SCHIP1: variants seen among roughly 807,000 people sequenced by gnomAD.
SCHIP1 encodes the protein schwannomin-interacting protein 1.
In SCHIP1, 8 loss-of-function variants were observed where a neutral mutation model predicts 29.7. That is an observed-to-expected ratio of 0.27 (90% CI 0.16 to 0.49). The LOEUF (loss-of-function observed/expected upper bound fraction) is 0.49. Among genes scored for constraint, SCHIP1 ranks in the 20% least tolerant of loss-of-function variants. The pLI is 0.99. For synonymous variants in SCHIP1, 76 were observed against 94.9 expected (o/e 0.80, Z 1.16); for missense variants, 193 against 294.6 (o/e 0.66, Z 2.52).
At chr3:159,315,778 G>T in the SCHIP1 span, among the ~76,000 whole-genome samples, 1 of 152,044 alleles carries the variant, frequency 6.6e-6, no homozygotes, top group South Asian at 2.1e-4. Flanking sequence ...GTTTTGTTTT[G>T]TAGAGTAGAA....
At chr3:159,860,213 A>G (rs1208820204) in intron 1 of SCHIP1, among the ~76,000 whole-genome samples, 2 of 152,106 alleles carry the variant, frequency 1.3e-5, no homozygotes, top group East Asian at 1.9e-4. Context: ...CCTTTTTAGC[A>G]TTGGTGGCAA....
the SCHIP1 span, among the ~76,000 whole-genome samples, chr3:159,757,171 A>G: frequency 0.43 from 66,101 of 152,092 alleles, 15,350 homozygotes; most frequent in Middle Eastern, 0.55. Context: ...TGCTGCTGAT[A>G]AAGACATACC....
the SCHIP1 span, among the ~76,000 whole-genome samples, chr3:159,296,698 G>T: frequency 6.6e-6 from 1 of 151,964 alleles, no homozygotes; most frequent in East Asian, 1.9e-4. Flanking sequence ...GCTTGAACCT[G>T]GGAGGTGGAG....
the SCHIP1 span, among the ~76,000 whole-genome samples, chr3:159,675,596 G>C: frequency 6.6e-6 from 1 of 152,216 alleles, no homozygotes; most frequent in Non-Finnish European, 1.5e-5. Context: ...TGCACAAAGT[G>C]TTTAGAGAGA....
the SCHIP1 span, among the ~76,000 whole-genome samples, chr3:159,308,419 C>T: frequency 9.9e-4 from 150 of 152,138 alleles, no homozygotes; most frequent in African/African-American, 3.1e-3. Flanking sequence ...AACACACATA[C>T]GGAAAAACGC....
chr3:159,804,848 G>A, the SCHIP1 span, among the ~76,000 whole-genome samples: 7 of 152,130 alleles, frequency 4.6e-5, no homozygotes, highest in East Asian at 1.9e-4. Flanking sequence ...GTTTTTTGCC[G>A]TCAGTTTCAT....
At chr3:159,774,385 T>C in the SCHIP1 span, among the ~76,000 whole-genome samples, 1 of 152,192 alleles carries the variant, frequency 6.6e-6, no homozygotes, top group Non-Finnish European at 1.5e-5. Flanking sequence ...AAAAAAATAA[T>C]AAAATAAAAA....
the SCHIP1 span, among the ~76,000 whole-genome samples, chr3:159,382,958 GT>G: frequency 6.7e-6 from 1 of 149,752 alleles, no homozygotes; most frequent in Admixed American, 6.7e-5. Context: ...GGGGTTGTTT[GT>G]TTTTTTCTTG....
the SCHIP1 span, among the ~76,000 whole-genome samples, chr3:159,372,994 A>G: frequency 6.6e-6 from 1 of 152,018 alleles, no homozygotes; most frequent in African/African-American, 2.4e-5. Context: ...ATAGAGCACA[A>G]AAATAACTTC....
At chr3:159,334,194 A>T in the SCHIP1 span, among the ~76,000 whole-genome samples, 3 of 152,284 alleles carry the variant, frequency 2.0e-5, no homozygotes, top group East Asian at 5.8e-4. Context: ...CTCATTCCAA[A>T]TTGACCTGAC....
chr3:159,397,770 TTTTG>T, the SCHIP1 span, among the ~76,000 whole-genome samples: 69 of 152,288 alleles, frequency 4.5e-4, no homozygotes, highest in African/African-American at 1.7e-3. Context: ...ACTGCTGTCT[TTTTG>T]TTTGTCTGTG....
chr3:159,752,740 C>T, the SCHIP1 span, among the ~76,000 whole-genome samples: 2 of 152,140 alleles, frequency 1.3e-5, no homozygotes, highest in African/African-American at 4.8e-5. Flanking sequence ...TATCCACCCC[C>T]ATGATCCAAC....
chr3:159,642,299 A>G, the SCHIP1 span, among the ~76,000 whole-genome samples: 8 of 152,180 alleles, frequency 5.3e-5, no homozygotes, highest in South Asian at 1.7e-3. Context: ...TGATCTAAGT[A>G]TGTATGACCC....
At chr3:159,398,848 T>C in the SCHIP1 span, 1 of 289,390 alleles carries the variant, frequency 3.5e-6, no homozygotes, top group Non-Finnish European at 5.2e-6. Context: ...GTTAAGTTTT[T>C]GTTCATGTTG....
At chr3:159,373,236 T>C in the SCHIP1 span, among the ~76,000 whole-genome samples, 1 of 151,528 alleles carries the variant, frequency 6.6e-6, no homozygotes, top group African/African-American at 2.4e-5. Flanking sequence ...GTAATTAATA[T>C]ATATTACAGT....
the SCHIP1 span, chr3:159,274,422 G>C: frequency 6.3e-5 from 58 of 914,192 alleles, no homozygotes; most frequent in African/African-American, 9.5e-4. Context: ...GAAATGTATA[G>C]AGTGGCAGCT....
At chr3:159,418,457 C>T in the SCHIP1 span, among the ~76,000 whole-genome samples, 2 of 152,184 alleles carry the variant, frequency 1.3e-5, no homozygotes, top group South Asian at 4.1e-4. Flanking sequence ...GTGCAGGTCA[C>T]CATCTAATTT....
chr3:159,609,892 C>A, the SCHIP1 span, among the ~76,000 whole-genome samples: 1 of 151,948 alleles, frequency 6.6e-6, no homozygotes, highest in Non-Finnish European at 1.5e-5. Context: ...GGGAAATGAC[C>A]TAATCAGACA....
chr3:159,630,151 A>G, the SCHIP1 span, among the ~76,000 whole-genome samples: 1 of 152,206 alleles, frequency 6.6e-6, no homozygotes, highest in Non-Finnish European at 1.5e-5. Context: ...TGAGATGCAC[A>G]TTGGGAATAC....
Sources: gnomAD v4.1 joint callset for allele counts (sites outside exome capture counted in the v4.1 genomes callset) on GRCh38, gnomAD v4.1.1 for gene constraint, MANE v1.5 for transcripts, NCBI Gene and HGNC (gene_info 2026-07-23, HGNC 2026-07-21) for gene names.